The following MDFIC2 variants were observed in gnomAD, a reference collection of about 807,000 sequenced individuals.
MDFIC2 encodes MyoD family inhibitor domain containing 2.
intron 2 of MDFIC2, among the ~76,000 whole-genome samples, chr3:70,311,561 T>G (rs1259086976): frequency 2.6e-5 from 4 of 152,200 alleles, no homozygotes; most frequent in Admixed American, 2.6e-4. Context: ...TTTAGTCTTC[T>G]TGGCTATAAA....
At chr3:70,231,952 C>T (rs932819002) in intron 2 of MDFIC2, among the ~76,000 whole-genome samples, 1 of 152,170 alleles carries the variant, frequency 6.6e-6, no homozygotes, top group Non-Finnish European at 1.5e-5. Context: ...GTATTCTTGA[C>T]AGTTGTTCAG....
In MDFIC2 at chr3:70,257,574, C is replaced by G. The variant is rs74548925; in HGVS notation, c.89-50784G>C. Among the ~76,000 whole-genome samples, 44 of 152,120 alleles carry G rather than the reference C, an allele frequency of 2.9e-4. No homozygotes were observed. In the East Asian group the frequency reaches 7.9e-3, roughly 27 times the overall value. ...ATACGCTTTGCAATGCCATCAAAACCCATGAAATACTGAGGAAGAGATTTA... is the reference window on the plus strand; with the variant it reads ...ATACGCTTTGCAATGCCATCAAAACGCATGAAATACTGAGGAAGAGATTTA... On this transcript the variant is annotated intron_variant, in intron 2 of 3. Coordinates refer to ENST00000567252, the MANE Select transcript of MDFIC2 (RefSeq NM_001364677.1).
At chr3:70,202,852 C>G (rs1179581484) in intron 3 of MDFIC2, among the ~76,000 whole-genome samples, 2 of 152,084 alleles carry the variant, frequency 1.3e-5, no homozygotes, top group Non-Finnish European at 2.9e-5. Flanking sequence ...GAGGGAGAAT[C>G]TCTCTCACTA....
At chr3:70,290,831 G>A (rs922081127) in intron 2 of MDFIC2, among the ~76,000 whole-genome samples, 47 of 152,098 alleles carry the variant, frequency 3.1e-4, no homozygotes, top group African/African-American at 1.1e-3. Context: ...TTCCAGGTGC[G>A]GTCCTCACCC....
At chr3:70,307,537 C>T (rs1559559922) in intron 2 of MDFIC2, among the ~76,000 whole-genome samples, 1 of 152,028 alleles carries the variant, frequency 6.6e-6, no homozygotes. Flanking sequence ...AACAATTTTT[C>T]CTCCATAAAG....
At chr3:70,231,997 T>C (rs1701564183) in intron 2 of MDFIC2, among the ~76,000 whole-genome samples, 1 of 152,188 alleles carries the variant, frequency 6.6e-6, no homozygotes, top group South Asian at 2.1e-4. Flanking sequence ...TGTCTGCTCC[T>C]TCCACCCTTC....
intron 2 of MDFIC2, among the ~76,000 whole-genome samples, chr3:70,287,453 A>G (rs1462452191): frequency 6.6e-6 from 1 of 151,754 alleles, no homozygotes; most frequent in Non-Finnish European, 1.5e-5. Flanking sequence ...TGCTGGATTC[A>G]TTTTGCCAGT....
At chr3:70,218,165 A>C (rs1001889011) in intron 2 of MDFIC2, among the ~76,000 whole-genome samples, 1 of 152,194 alleles carries the variant, frequency 6.6e-6, no homozygotes, top group African/African-American at 2.4e-5. Context: ...GTGGTCTCCA[A>C]AGTGGCATAT....
chr3:70,278,967 A>C (rs1052263318), intron 2 of MDFIC2, among the ~76,000 whole-genome samples: 1 of 151,682 alleles, frequency 6.6e-6, no homozygotes, highest in African/African-American at 2.4e-5. Context: ...CTGGGTGGTC[A>C]AGGAAAACAG....
At chr3:70,309,800 G>A (rs1273163863) in intron 2 of MDFIC2, among the ~76,000 whole-genome samples, 2 of 152,146 alleles carry the variant, frequency 1.3e-5, no homozygotes, top group African/African-American at 4.8e-5. Context: ...TAATTCGAGT[G>A]TAGCTTAAAT....
At chr3:70,272,675 G>T (rs1701986074) in intron 2 of MDFIC2, among the ~76,000 whole-genome samples, 2 of 152,162 alleles carry the variant, frequency 1.3e-5, no homozygotes, top group South Asian at 4.1e-4. Context: ...ATAAAAAACT[G>T]CTCAGCACAA....
chr3:70,298,660 ATAGGTTTAAAAATACC>A (rs1406103608), intron 2 of MDFIC2, among the ~76,000 whole-genome samples: 1 of 152,140 alleles, frequency 6.6e-6, no homozygotes, highest in Admixed American at 6.6e-5. Flanking sequence ...TGAATGAGTA[ATAGGTTTAAAAATACC>A]CCAGCTATAT....
chr3:70,306,028 G>C (rs1575621482), intron 2 of MDFIC2, among the ~76,000 whole-genome samples: 2 of 152,228 alleles, frequency 1.3e-5, no homozygotes, highest in South Asian at 4.1e-4. Flanking sequence ...AAACACTGAT[G>C]ATGTAACTTT....
chr3:70,241,740 C>T (rs1048258730), intron 2 of MDFIC2, among the ~76,000 whole-genome samples: 2 of 152,146 alleles, frequency 1.3e-5, no homozygotes, highest in East Asian at 1.9e-4. Flanking sequence ...CGTCTAATGT[C>T]TCACACACAT....
intron 2 of MDFIC2, among the ~76,000 whole-genome samples, chr3:70,261,693 A>G (rs1383016679): frequency 1.3e-5 from 2 of 152,174 alleles, no homozygotes; most frequent in East Asian, 3.9e-4. Context: ...CAGAATGCCA[A>G]GTTATCTTGC....
intron 2 of MDFIC2, among the ~76,000 whole-genome samples, chr3:70,231,691 G>C (rs1391627483): frequency 6.6e-6 from 1 of 152,068 alleles, no homozygotes; most frequent in Non-Finnish European, 1.5e-5. Flanking sequence ...AGCCACACAC[G>C]CAGAGAGACA....
chr3:70,276,833 C>A (rs1216743123), intron 2 of MDFIC2, among the ~76,000 whole-genome samples: 1 of 152,146 alleles, frequency 6.6e-6, no homozygotes, highest in Non-Finnish European at 1.5e-5. Flanking sequence ...TGCCCCAACA[C>A]AGAAAAAAAT....
chr3:70,244,079 A>G (rs940751008), intron 2 of MDFIC2, among the ~76,000 whole-genome samples: 1 of 152,172 alleles, frequency 6.6e-6, no homozygotes, highest in Non-Finnish European at 1.5e-5. Flanking sequence ...CTACTTTCCT[A>G]GCCTAACCTC....
At chr3:70,259,772 A>T (rs914454101) in intron 2 of MDFIC2, among the ~76,000 whole-genome samples, 13 of 152,182 alleles carry the variant, frequency 8.5e-5, no homozygotes, top group African/African-American at 3.1e-4. Context: ...ACCGGTATAA[A>T]AACTGACCGA....
Sources: allele counts gnomAD v4.1 joint callset (sites outside exome capture counted in the v4.1 genomes callset), GRCh38; gene constraint gnomAD v4.1.1; transcripts MANE v1.5; gene names NCBI Gene and HGNC (gene_info 2026-07-23, HGNC 2026-07-21).